The following OR56A3 variants were observed in gnomAD, a reference collection of about 807,000 sequenced individuals.
OR56A3 encodes the protein olfactory receptor 56A3.
OR56A3 carries 23 observed loss-of-function variants against 17.5 expected under a neutral mutation model. The ratio of observed to expected loss-of-function variants is 1.32; its 90% CI spans 0.95 to 1.87. The LOEUF (loss-of-function observed/expected upper bound fraction) is 1.87. Ranked by LOEUF, OR56A3 falls within the 40% of genes most tolerant of loss-of-function variation. The pLI, the probability that OR56A3 is intolerant of heterozygous loss-of-function variation, is 0.00. For synonymous variants in OR56A3, 175 were observed against 150.6 expected (o/e 1.16, Z -1.19); for missense variants, 366 against 380.1 (o/e 0.96, Z 0.31).
At chr11:5,984,394 G>GGTTCAA in the OR56A3 span, among the ~76,000 whole-genome samples, 1 of 152,184 alleles carries the variant, frequency 6.6e-6, no homozygotes, top group Non-Finnish European at 1.5e-5. Flanking sequence ...TTCTGTTTCA[G>GGTTCAA]GTTCAAGTCA....
At chr11:5,986,601 A>T in the OR56A3 span, 24 of 1,613,826 alleles carry the variant, frequency 1.5e-5, no homozygotes, top group Admixed American at 4.0e-4. Flanking sequence ...CGATGTACCC[A>T]ATCTCGTGGG....
chr11:5,972,480 C>T, the OR56A3 span, among the ~76,000 whole-genome samples: 1 of 152,142 alleles, frequency 6.6e-6, no homozygotes, highest in African/African-American at 2.4e-5. Flanking sequence ...GAGGATACAA[C>T]AGATTAGGTC....
the OR56A3 span, chr11:5,967,576 G>A: frequency 6.2e-7 from 1 of 1,602,268 alleles, no homozygotes; most frequent in South Asian, 1.1e-5. Context: ...AGCAGGTTCT[G>A]GATTCCCTGC....
At position 5,947,854 on chromosome 11, in the gene OR56A3, C is replaced by T; in HGVS notation, c.508C>T (p.Leu170Phe). 6.2e-7 allele frequency: 1 copy of T among 1,614,188 alleles called. No individual in the cohort carries two copies. The highest frequency in any genetic ancestry group is 2.2e-5 in the East Asian group (1 of 44,880). ...GCCCATCCCCATCCTTTCAGCACAA[C>T]TCCGTTATTGTGGAAGAAATGTCAT... is the stretch of plus-strand genomic sequence containing the variant. The part of the protein sequence containing the change: ...TLPIPILSAQ[L>F]RYCGRNVIEN... Residue 170 changes from leucine to phenylalanine, a missense_variant, in exon 3 of 3, where the codon CTC becomes TTC. By Grantham distance (22) the Leu-to-Phe change is conservative. Transcript: ENST00000641160.
chr11:5,955,189 T>G (rs1338099680), downstream of OR56A3, among the ~76,000 whole-genome samples: 5 of 152,176 alleles, frequency 3.3e-5, no homozygotes, highest in Non-Finnish European at 7.4e-5. Context: ...GCCATTAATC[T>G]GTAGTAGTAT....
At chr11:6,017,143 C>A in the OR56A3 span, 1 of 151,938 alleles carries the variant, frequency 6.6e-6, no homozygotes, top group African/African-American at 2.4e-5. Flanking sequence ...ATGAAGAAAC[C>A]CTTTGTGATA....
At chr11:5,953,842 T>C (rs758203950), downstream of OR56A3, among the ~76,000 whole-genome samples, 9 of 152,190 alleles carry the variant, frequency 5.9e-5, no homozygotes, top group Non-Finnish European at 1.0e-4. Flanking sequence ...TATCAAGATT[T>C]CATAATCCAG....
At chr11:6,015,191 A>T in the OR56A3 span, among the ~76,000 whole-genome samples, 1 of 151,970 alleles carries the variant, frequency 6.6e-6, no homozygotes, top group African/African-American at 2.4e-5. Context: ...GACAATGGGG[A>T]AAAAAAATCT....
the OR56A3 span, chr11:5,968,017 T>C: frequency 1.3e-6 from 2 of 1,595,348 alleles, no homozygotes; most frequent in Non-Finnish European, 1.7e-6. Flanking sequence ...GGGATAGGCA[T>C]AGTAAGAAGG....
the OR56A3 span, chr11:5,986,542 G>A: frequency 0.095 from 153,440 of 1,613,742 alleles, 7,808 homozygotes; most frequent in African/African-American, 0.15. Context: ...AAGTACCCCT[G>A]ACTCCATGGA....
At chr11:5,977,884 T>C in the OR56A3 span, among the ~76,000 whole-genome samples, 629 of 152,276 alleles carry the variant, frequency 4.1e-3, 4 homozygotes, top group African/African-American at 0.014. Context: ...GTTGATTTTT[T>C]GTGGTGATAG....
At chr11:5,967,784 C>T in the OR56A3 span, 2 of 1,587,014 alleles carry the variant, frequency 1.3e-6, no homozygotes, top group South Asian at 1.1e-5. Context: ...GAGCTTTGGC[C>T]ATATCTCCCT....
chr11:6,021,768 A>C, the OR56A3 span: 18 of 152,274 alleles, frequency 1.2e-4, 1 homozygote, highest in African/African-American at 4.3e-4. Flanking sequence ...CATTGAAAAC[A>C]ATGATCAGGA....
At chr11:5,986,214 G>A in the OR56A3 span, 161 of 1,613,782 alleles carry the variant, frequency 1.0e-4, no homozygotes, top group African/African-American at 1.7e-3. Context: ...CTGCCTGGAG[G>A]ATGTGGGCAT....
chr11:6,014,700 A>C, the OR56A3 span, among the ~76,000 whole-genome samples: 1 of 152,158 alleles, frequency 6.6e-6, no homozygotes, highest in African/African-American at 2.4e-5. Context: ...AAGATGAGGT[A>C]AAGTTTGGAC....
At chr11:5,968,192 G>A in the OR56A3 span, 1 of 1,614,240 alleles carries the variant, frequency 6.2e-7, no homozygotes, top group Non-Finnish European at 8.5e-7. Flanking sequence ...ACACCTGAAG[G>A]AAGCAGGCAG....
chr11:5,981,361 T>G, the OR56A3 span, among the ~76,000 whole-genome samples: 30,225 of 152,186 alleles, frequency 0.2, 3,731 homozygotes, highest in South Asian at 0.28. Flanking sequence ...CATTTATTCC[T>G]TTTTATTCTT....
chr11:5,967,818 T>C, the OR56A3 span: 1 of 1,567,764 alleles, frequency 6.4e-7, no homozygotes, highest in Non-Finnish European at 8.7e-7. Flanking sequence ...TAGCACAGTT[T>C]TCAAGATAAA....
the OR56A3 span, among the ~76,000 whole-genome samples, chr11:5,984,648 G>T: frequency 1.3e-5 from 2 of 152,132 alleles, no homozygotes; most frequent in Non-Finnish European, 2.9e-5. Flanking sequence ...AATTCCTCCT[G>T]CAATAAAAAC....
Sources: allele counts gnomAD v4.1 joint callset (sites outside exome capture counted in the v4.1 genomes callset), GRCh38; gene constraint gnomAD v4.1.1; transcripts MANE v1.5; gene names NCBI Gene and HGNC (gene_info 2026-07-23, HGNC 2026-07-21).